The following ITGAX variants were observed in gnomAD, a reference collection of about 807,000 sequenced individuals.
ITGAX encodes the protein integrin subunit alpha X, also known as integrin alpha-X.
In ITGAX, 99 loss-of-function variants were observed where a neutral mutation model predicts 140.2. The ratio of observed to expected loss-of-function variants is 0.71; its 90% CI spans 0.60 to 0.83. ITGAX has a LOEUF of 0.83. ITGAX is among the 40% of genes least tolerant of loss of function. The pLI, the probability that ITGAX is intolerant of heterozygous loss-of-function variation, is 0.00. For synonymous variants in ITGAX, 631 were observed against 600.4 expected (o/e 1.05, Z -0.75); for missense variants, 1,444 against 1,482.0 (o/e 0.97, Z 0.42).
chr16:31,357,392 A>G (rs1369935611), intron 5 of ITGAX, 28 bp downstream of exon 5: 3 of 1,472,796 alleles, frequency 2.0e-6, no homozygotes, highest in Non-Finnish European at 2.8e-6. Context: ...CAAGGCTTTG[A>G]GGAGCTCACG....
intron 16 of ITGAX, 32 bp downstream of exon 16, chr16:31,371,529 C>A: frequency 6.2e-7 from 1 of 1,611,846 alleles, no homozygotes; most frequent in Non-Finnish European, 8.5e-7. Context: ...CCAGGACACC[C>A]TGACCTCTGG....
Position 31,380,877 on chromosome 16 carries a change from C to T in ITGAX, c.3277-20C>T. 1 of 1,602,104 alleles carries T rather than the reference C, an allele frequency of 6.2e-7. No homozygotes were observed. The highest frequency in any genetic ancestry group is 1.3e-5 in the African/African-American group (1 of 74,770). ...TAGTAGGAGGATGGGAGTGCTCTGA[C>T]AGGGTCACTTCCACTTCAGACGACA... On this transcript the variant is annotated intron_variant, in intron 28 of 29. Coordinates refer to ENST00000268296, the MANE Select transcript of ITGAX (RefSeq NM_000887.5).
In ITGAX at chr16:31,369,096, A is replaced by C. The variant is rs1157813045; in HGVS notation, c.1711-1988A>C. Among the ~76,000 whole-genome samples the C allele has an allele frequency of 1.3e-3, 194 of 152,130 alleles. 1 individual carries two copies. The highest frequency in any genetic ancestry group is 4.3e-3 in the African/African-American group (178 of 41,496). ...ATTCCACAAAACCGCCATTGTCATC[A>C]TGGCCCGTTCTCAATGAGCTGTTGG... On this transcript the variant is annotated intron_variant, in intron 14 of 29. Coordinates refer to ENST00000268296, the MANE Select transcript of ITGAX (RefSeq NM_000887.5).
At chr16:31,379,889 C>T (rs971713867) in intron 25 of ITGAX, 25 bp downstream of exon 25, 7 of 1,611,178 alleles carry the variant, frequency 4.3e-6, no homozygotes, top group Non-Finnish European at 5.9e-6. Context: ...CATGTGGCTC[C>T]TCCACGAATG....
At position 31,380,041 on chromosome 16, in the gene ITGAX, G is replaced by T. The variant is rs148941060; in HGVS notation, c.3036G>T (p.Ala1012=). ...CACCCCCAGCATCTGACTTCCTGGC[G>T]CACATTCAGAAGAATCCCGTGCTGG... is the stretch of plus-strand genomic sequence containing the variant. ...KIAPPASDFL[A]HIQKNPVLDC... is the part of the protein sequence containing the mutation. Residue 1012 remains alanine (A), a synonymous_variant, in exon 26 of 30, where the codon GCG becomes GCT. Transcript: ENST00000268296. The T allele has an allele frequency of 6.2e-7, 1 of 1,613,948 alleles. No individual in the cohort carries two copies. Among genetic ancestry groups the T allele is most frequent in the East Asian group, 2.2e-5 (1 of 44,856 alleles).
intron 23 of ITGAX, among the ~76,000 whole-genome samples, chr16:31,377,560 C>T (rs2081032033): frequency 6.6e-6 from 1 of 152,186 alleles, no homozygotes; most frequent in Admixed American, 6.5e-5. Flanking sequence ...GTGGGGTGTG[C>T]CTTGCTGGAT....
Position 31,362,753 on chromosome 16 carries a change from G to A in ITGAX, c.1359G>A (p.Gln453=), listed in dbSNP as rs748048543. 2 of 1,613,832 alleles carry A rather than the reference G, an allele frequency of 1.2e-6. No homozygotes were observed. Among genetic ancestry groups the A allele is most frequent in the South Asian group, 2.2e-5 (2 of 91,086 alleles). The part of the protein sequence containing the change: ...WRMKAEVTGT[Q]IGSYFGASLC... ...TGAAGGCCGAAGTCACGGGGACTCAGGTTGGGCGTGACAGGAGCCAGAGGG... is the reference window on the plus strand; with the variant it reads ...TGAAGGCCGAAGTCACGGGGACTCAAGTTGGGCGTGACAGGAGCCAGAGGG... Residue 453 remains glutamine (Q), a splice_region_variant and synonymous_variant, in exon 12 of 30, where the codon CAG becomes CAA. Transcript: ENST00000268296.
chr16:31,372,502 C>T lies in ITGAX; in HGVS notation c.2285C>T (p.Thr762Met), dbSNP rs777253121. The change falls in exon 18 of 30, where the codon ACG becomes ATG. Residue 762 changes from threonine to methionine, a missense_variant. Coordinates refer to ENST00000268296, the MANE Select transcript of ITGAX (RefSeq NM_000887.5). Reference sequence around the variant, plus strand: ...GCCGCCGATGCTCAGAGATACTTCACGGCCTCCGTGAGTCCTGGCACTGGG... The same window carrying T: ...GCCGCCGATGCTCAGAGATACTTCATGGCCTCCGTGAGTCCTGGCACTGGG... ...MLAADAQRYF[T>M]ASLPFEKNCG... is the part of the protein sequence containing the mutation. The T allele has an allele frequency of 1.5e-5, 24 of 1,608,944 alleles. No individual in the cohort carries two copies. The highest frequency in any genetic ancestry group is 8.7e-5 in the Admixed American group (5 of 57,720).
chr16:31,379,624 A>G lies in ITGAX; in HGVS notation c.2846A>G (p.His949Arg). The G allele has an allele frequency of 6.4e-7, 1 of 1,563,290 alleles. No homozygotes were observed. Among genetic ancestry groups the G allele is most frequent in the Non-Finnish European group, 8.7e-7 (1 of 1,152,704 alleles). Residue 949 changes from histidine to arginine, a missense_variant, in exon 24 of 30, where the codon CAT becomes CGT. His to Arg is a conservative substitution (Grantham distance 29). Transcript: ENST00000268296. The stretch of plus-strand genomic sequence containing the variant: ...TCAGAGTCTGAGGAGAAGGAAAGCC[A>G]TGTGGCCATGCACAGATACCAGGCA... ...NFSESEEKES[H>R]VAMHRYQVNN...
At chr16:31,357,211 A>AG in intron 4 of ITGAX, 42 bp from the exon 5 acceptor site, 1 of 1,543,562 alleles carries the variant, frequency 6.5e-7, no homozygotes, top group Non-Finnish European at 8.8e-7. Flanking sequence ...TGAGGGTGGG[A>AG]GGAAGCAGGG....
chr16:31,362,693 T>G lies in ITGAX; in HGVS notation c.1299T>G (p.Ala433=). Residue 433 remains alanine, a synonymous_variant, in exon 12 of 30, where the codon GCT becomes GCG. Coordinates refer to ENST00000268296, the MANE Select transcript of ITGAX (RefSeq NM_000887.5). The stretch of plus-strand genomic sequence containing the variant: ...CCCGCTACCAGCACACCGGGAAGGC[T>G]GTCATCTTCACCCAGGTGTCCAGGC... The part of the protein sequence containing the change: ...GAPRYQHTGK[A]VIFTQVSRQW... The G allele has an allele frequency of 6.2e-7, 1 of 1,613,814 alleles. No homozygotes were observed. The highest frequency in any genetic ancestry group is 8.5e-7 in the Non-Finnish European group (1 of 1,179,868).
intron 23 of ITGAX, among the ~76,000 whole-genome samples, chr16:31,378,127 A>T (rs535255110): frequency 6.6e-6 from 1 of 152,292 alleles, no homozygotes; most frequent in African/African-American, 2.4e-5. Flanking sequence ...AGACCTCATG[A>T]AGAGTCTGCT....
chr16:31,372,775 A>G, intron 19 of ITGAX, 105 bp downstream of exon 19: 1 of 1,145,060 alleles, frequency 8.7e-7, no homozygotes, highest in Non-Finnish European at 1.3e-6. Context: ...CTATAGTCAA[A>G]ACCCAGGTGT....
At position 31,377,082 on chromosome 16, in the gene ITGAX, G is replaced by A; in HGVS notation, c.2705+3G>A. ...CTTCTGACAGCCAATGTGAGCAGGT[G>A]AGCCGGGCCAGGCCAGGGGCAGTGC... is the stretch of plus-strand genomic sequence containing the variant. On this transcript the variant is annotated splice_donor_region_variant and intron_variant, in intron 22 of 29. Coordinates refer to ENST00000268296, the MANE Select transcript of ITGAX (RefSeq NM_000887.5). 1.9e-6 allele frequency: 3 copies of A among 1,614,146 alleles called. No individual in the cohort carries two copies. Among genetic ancestry groups the A allele is most frequent in the South Asian group, 2.2e-5 (2 of 91,090 alleles).
At position 31,379,787 on chromosome 16, in the gene ITGAX, G is replaced by A. The variant is rs1253995537; in HGVS notation, c.2899G>A (p.Val967Ile). ...VNNLGQRDLP[V>I]SINFWVPVEL... is the part of the protein sequence containing the mutation. ...TAACCTGGGACAGAGGGACCTGCCTGTCAGCATCAACTTCTGGGTGCCTGT... is the reference window on the plus strand; with the variant it reads ...TAACCTGGGACAGAGGGACCTGCCTATCAGCATCAACTTCTGGGTGCCTGT... The change falls in exon 25 of 30, where the codon GTC (valine) becomes ATC (isoleucine). Residue 967 changes from valine to isoleucine, a missense_variant. Transcript: ENST00000268296. 1 of 1,614,024 alleles carries A rather than the reference G, an allele frequency of 6.2e-7. No homozygotes were observed. Among genetic ancestry groups the A allele is most frequent in the Admixed American group, 1.7e-5 (1 of 59,970 alleles).
At chr16:31,356,574 T>C in intron 2 of ITGAX, 51 bp from the exon 3 acceptor site, 1 of 1,297,140 alleles carries the variant, frequency 7.7e-7, no homozygotes, top group Non-Finnish European at 1.1e-6. Flanking sequence ...GAGTGGCAGC[T>C]GTGCTGCAGC....
intron 19 of ITGAX, 68 bp from the exon 20 acceptor site, chr16:31,373,181 T>G: frequency 6.4e-6 from 4 of 629,522 alleles, no homozygotes; most frequent in Non-Finnish European, 1.1e-5. Context: ...ACCCACCCCA[T>G]TTTATCCCAG....
At chr16:31,377,319 GA>G (rs11411067) in intron 23 of ITGAX, 54 bp downstream of exon 23, 26,817 of 1,015,746 alleles carry the variant, frequency 0.026, no homozygotes, top group Middle Eastern at 0.044. Flanking sequence ...ACCTCAAAAA[GA>G]AAAAAAAAAA....
intron 19 of ITGAX, among the ~76,000 whole-genome samples, chr16:31,372,959 A>G (rs767585431): frequency 6.9e-6 from 1 of 144,350 alleles, no homozygotes; most frequent in Non-Finnish European, 1.5e-5. Context: ...TGAGTGTGGT[A>G]GAGCATGCCT....
Sources: allele counts gnomAD v4.1 joint callset (sites outside exome capture counted in the v4.1 genomes callset), GRCh38; gene constraint gnomAD v4.1.1; transcripts MANE v1.5; gene names NCBI Gene and HGNC (gene_info 2026-07-23, HGNC 2026-07-21).